GRHL1: variants seen among roughly 807,000 people sequenced by gnomAD.
GRHL1 encodes the protein grainyhead like transcription factor 1.
A neutral mutation model predicts 75.7 loss-of-function variants in GRHL1; 38 were observed. That is an observed-to-expected ratio of 0.50 (90% confidence interval 0.39 to 0.66). The LOEUF (loss-of-function observed/expected upper bound fraction) is 0.66, where lower values mean the gene tolerates loss of function less well. GRHL1 is among the 30% of genes least tolerant of loss of function. The pLI, the probability that GRHL1 is intolerant of heterozygous loss-of-function variation, is 0.00. For missense variants in GRHL1, 589 were observed against 767.5 expected (o/e 0.77, Z 2.75); for synonymous variants, 266 against 279.4 (o/e 0.95, Z 0.48).
intron 15 of GRHL1, among the ~76,000 whole-genome samples, chr2:9,999,419 G>A (rs1669171790): frequency 6.6e-6 from 1 of 152,242 alleles, no homozygotes; most frequent in Admixed American, 6.5e-5. Context: ...AGGATGGCCA[G>A]GGCAGCACCT....
At chr2:9,983,770 C>T (rs1366135669) in intron 8 of GRHL1, among the ~76,000 whole-genome samples, 1 of 142,294 alleles carries the variant, frequency 7.0e-6, no homozygotes, top group Non-Finnish European at 1.5e-5. Flanking sequence ...TAGTTGTTTG[C>T]ATGGACTTTT....
intron 15 of GRHL1, 54 bp from the exon 16 acceptor site, chr2:10,000,539 G>C: frequency 1.0e-6 from 1 of 982,728 alleles, no homozygotes; most frequent in South Asian, 1.3e-5. Context: ...ATCTAGGTCT[G>C]ACTCCAGGAC....
chr2:9,965,802 ACT>A (rs1415439972), intron 8 of GRHL1: 2 of 161,324 alleles, frequency 1.2e-5, no homozygotes, highest in African/African-American at 4.8e-5. Context: ...TATTAGTAGT[ACT>A]CTGTTTCATA....
intron 14 of GRHL1, among the ~76,000 whole-genome samples, chr2:9,997,282 T>G (rs952013735): frequency 3.9e-5 from 6 of 152,058 alleles, no homozygotes; most frequent in African/African-American, 1.4e-4. Flanking sequence ...GCAAAGAAGT[T>G]GAGGTCATTT....
chr2:9,964,059 G>A lies in GRHL1; in HGVS notation c.903+17G>A. ...AAAGTTCGAGTAAGTTCTGCTCTTA[G>A]TCCTGTTCTCTAGGAAAGCTAGTCA... On this transcript the variant is annotated intron_variant, in intron 6 of 15. Coordinates refer to ENST00000324907, the MANE Select transcript of GRHL1 (RefSeq NM_198182.3). The A allele has an allele frequency of 6.2e-7, 1 of 1,608,394 alleles. No homozygotes were observed. Among genetic ancestry groups the A allele is most frequent in the Non-Finnish European group, 8.5e-7 (1 of 1,175,908 alleles).
intron 4 of GRHL1, among the ~76,000 whole-genome samples, chr2:9,961,818 C>A (rs1393810855): frequency 1.3e-5 from 2 of 152,098 alleles, no homozygotes; most frequent in Non-Finnish European, 2.9e-5. Context: ...GTTATTATAT[C>A]TTTGCTTGGT....
chr2:9,959,748 T>C (rs1461108171), intron 3 of GRHL1: 1 of 152,242 alleles, frequency 6.6e-6, no homozygotes, highest in Non-Finnish European at 1.5e-5. Context: ...TTCTTCAACT[T>C]TGAGATTAAT....
In GRHL1 at chr2:9,992,077, T is replaced by C. The variant is rs1371790216; in HGVS notation, c.1392T>C (p.Ile464=). 1 of 1,613,738 alleles carries C rather than the reference T, an allele frequency of 6.2e-7. No homozygotes were observed. The highest frequency in any genetic ancestry group is 8.5e-7 in the Non-Finnish European group (1 of 1,179,704). ...RMDITVFKPF[I]DLDTQPVLFI... ...ATATCACAGTTTTCAAACCCTTCAT[T>C]GATCTCGATACTCAGCCTGTCCTCT... The change falls in exon 11 of 16, where the codon ATT becomes ATC. Residue 464 remains isoleucine (I), a synonymous_variant. Coordinates refer to ENST00000324907, the MANE Select transcript of GRHL1 (RefSeq NM_198182.3). The surrounding 1 kb of genome is among the most constrained non-coding windows in gnomAD (Gnocchi z 4.6).
chr2:9,993,345 G>A (rs1268882575), intron 12 of GRHL1, 101 bp downstream of exon 12: 1 of 960,344 alleles, frequency 1.0e-6, no homozygotes, highest in Middle Eastern at 2.2e-4. Context: ...TTTTCCCTGA[G>A]CCATCAAGGA....
intron 8 of GRHL1, among the ~76,000 whole-genome samples, chr2:9,976,978 T>G (rs978115742): frequency 6.6e-6 from 1 of 152,266 alleles, no homozygotes; most frequent in African/African-American, 2.4e-5. Context: ...AATACATTAT[T>G]AAGATTCTGA....
chr2:9,973,189 G>A (rs936764970), intron 8 of GRHL1, among the ~76,000 whole-genome samples: 2 of 152,148 alleles, frequency 1.3e-5, no homozygotes, highest in African/African-American at 2.4e-5. Flanking sequence ...TTATTTCTTG[G>A]GGGGTAGCAT....
chr2:9,990,960 G>T lies in GRHL1; in HGVS notation c.1321+213G>T, dbSNP rs1291971437. ...GGGTTTTCCTGGGGACTACAGGATA[G>T]ATCCCTGGGTTTTCCCGACCTCAGC... On this transcript the variant is annotated intron_variant, in intron 10 of 15. Transcript: ENST00000324907. This position sits in a 1 kb window ranked among gnomAD's most constrained non-coding sequence, Gnocchi z 4.2. 1.3e-5 allele frequency among the ~76,000 whole-genome samples: 2 copies of T among 152,190 alleles called. No individual in the cohort carries two copies. Among genetic ancestry groups the T allele is most frequent in the Non-Finnish European group, 2.9e-5 (2 of 68,036 alleles).
chr2:9,997,856 A>C (rs962124643), intron 14 of GRHL1, among the ~76,000 whole-genome samples: 1 of 152,018 alleles, frequency 6.6e-6, no homozygotes, highest in African/African-American at 2.4e-5. Flanking sequence ...CAAACAAAAA[A>C]CATGCAAATT....
At position 9,951,920 on chromosome 2, in the gene GRHL1, C is replaced by A; in HGVS notation, c.20+67C>A. On this transcript the variant is annotated intron_variant, in intron 1 of 15. Transcript: ENST00000324907. This position sits in a 1 kb window ranked among gnomAD's most constrained non-coding sequence, Gnocchi z 4.2. ...GCTGAGGGGCCGCACCTGCAGCGAG[C>A]GAGCCGGGCGCAGACCCGAGGCCGC... The A allele has an allele frequency of 8.8e-7, 1 of 1,130,052 alleles. No individual in the cohort carries two copies. Among genetic ancestry groups the A allele is most frequent in the Non-Finnish European group, 1.1e-6 (1 of 894,138 alleles). The allele number at this position is 1,130,052 out of a possible 1,614,324, so 70.0% of individuals were successfully genotyped here.
In GRHL1 at chr2:9,992,695, A is replaced by T. The variant is rs1364305403; in HGVS notation, c.1462-512A>T. On this transcript the variant is annotated intron_variant, in intron 11 of 15. Coordinates refer to ENST00000324907, the MANE Select transcript of GRHL1 (RefSeq NM_198182.3). This position sits in a 1 kb window ranked among gnomAD's most constrained non-coding sequence, Gnocchi z 4.6. The stretch of plus-strand genomic sequence containing the variant: ...CTTCAGTAGAATGAAGCATGGTTTT[A>T]TGCTGAGTGCAAATAAATATCAAAA... 6.6e-6 allele frequency among the ~76,000 whole-genome samples: 1 copy of T among 152,214 alleles called. No homozygotes were observed. The highest frequency in any genetic ancestry group is 1.5e-5 in the Non-Finnish European group (1 of 68,028).
chr2:9,990,825 T>G lies in GRHL1; in HGVS notation c.1321+78T>G, dbSNP rs1668605977. On this transcript the variant is annotated intron_variant, in intron 10 of 15. Transcript: ENST00000324907. The surrounding 1 kb of genome is among the most constrained non-coding windows in gnomAD (Gnocchi z 4.2). The stretch of plus-strand genomic sequence containing the variant: ...CCGGCAAGCTTCAGACCTTTTCCAT[T>G]GAGAATGGTGGCTGGAGTTTGCACG... The G allele has an allele frequency of 1.7e-6, 2 of 1,171,760 alleles. No individual in the cohort carries two copies. Among genetic ancestry groups the G allele is most frequent in the Admixed American group, 3.9e-5 (2 of 51,608 alleles). The allele number at this position is 1,171,760 out of a possible 1,614,324, so 72.6% of individuals were successfully genotyped here.
intron 12 of GRHL1, among the ~76,000 whole-genome samples, chr2:9,994,876 C>T (rs1489722533): frequency 1.3e-5 from 2 of 152,186 alleles, no homozygotes; most frequent in Non-Finnish European, 2.9e-5. Flanking sequence ...CTGTTCTCAC[C>T]TTTTGGCTTC....
intron 15 of GRHL1, 106 bp downstream of exon 15, chr2:9,999,135 CACA>C: frequency 2.6e-6 from 1 of 391,554 alleles, no homozygotes; most frequent in Non-Finnish European, 4.7e-6. Context: ...CACCATGTAA[CACA>C]CCGTGCATGC....
At position 9,990,438 on chromosome 2, in the gene GRHL1, A is replaced by G. The variant is rs911891753; in HGVS notation, c.1270-258A>G. Among the ~76,000 whole-genome samples the G allele has an allele frequency of 2.0e-5, 3 of 152,280 alleles. No homozygotes were observed. The highest frequency in any genetic ancestry group is 4.8e-5 in the African/African-American group (2 of 41,560). On this transcript the variant is annotated intron_variant, in intron 9 of 15. Coordinates refer to ENST00000324907, the MANE Select transcript of GRHL1 (RefSeq NM_198182.3). This position sits in a 1 kb window ranked among gnomAD's most constrained non-coding sequence, Gnocchi z 4.2. ...AGTGCTGGGATTACAGGCATGAGCT[A>G]CCGCTTCCGGCCGGAATTTTGCTTT...
Sources: gnomAD v4.1 joint callset for allele counts (sites outside exome capture counted in the v4.1 genomes callset) on GRCh38, gnomAD v4.1.1 for gene constraint, Gnocchi (gnomAD v3.1) non-coding constraint, MANE v1.5 for transcripts, NCBI Gene and HGNC (gene_info 2026-07-23, HGNC 2026-07-21) for gene names.